NFYC: variants seen among roughly 807,000 people sequenced by gnomAD.
The protein encoded by NFYC is CAAT box DNA-binding protein subunit C.
Under a neutral mutation model 53.1 loss-of-function variants are expected in NFYC, and 25 were observed. The ratio of observed to expected loss-of-function variants is 0.47; its 90% confidence interval spans 0.34 to 0.66. The LOEUF is 0.66. NFYC is among the 30% of genes least tolerant of loss of function. NFYC has a pLI of 0.01. For missense variants in NFYC, 260 were observed against 422.7 expected, an observed-to-expected ratio of 0.62 and a Z score of 3.38; for synonymous variants, 145 against 152.6, an observed-to-expected ratio of 0.95 and a Z score of 0.37.
chr1:40,752,749 A>G (rs1423199826), intron 4 of NFYC, among the ~76,000 whole-genome samples: 2 of 152,112 alleles, frequency 1.3e-5, no homozygotes, highest in African/African-American at 4.8e-5. Context: ...ACCTAATTCA[A>G]TACTTGTGAA....
At chr1:40,740,751 G>T (rs1027475433) in intron 2 of NFYC, among the ~76,000 whole-genome samples, 1 of 152,182 alleles carries the variant, frequency 6.6e-6, no homozygotes, top group African/African-American at 2.4e-5. Context: ...TGGTGCTGGG[G>T]TCAGCTTGGT....
intron 1 of NFYC, chr1:40,735,815 C>T (rs1644996881): frequency 2.1e-6 from 2 of 949,904 alleles, no homozygotes; most frequent in Admixed American, 1.2e-4. Flanking sequence ...TTGTTTGCCC[C>T]ATTTAAAAAA....
chr1:40,737,901 CT>C (rs530348029), intron 1 of NFYC, among the ~76,000 whole-genome samples: 5,981 of 122,956 alleles, frequency 0.049, 197 homozygotes, highest in African/African-American at 0.1. Context: ...TGCTCTCTCT[CT>C]TTTTTTTTTT....
At chr1:40,737,441 G>C (rs997770803) in intron 1 of NFYC, among the ~76,000 whole-genome samples, 1 of 151,070 alleles carries the variant, frequency 6.6e-6, no homozygotes, top group Admixed American at 6.6e-5. Flanking sequence ...CGATTCTCCT[G>C]CCTCAGCCTC....
intron 7 of NFYC, among the ~76,000 whole-genome samples, chr1:40,764,290 A>G (rs1397943628): frequency 6.6e-6 from 1 of 152,228 alleles, no homozygotes; most frequent in African/African-American, 2.4e-5. Context: ...AAATAACTCT[A>G]AAAGTATCCT....
chr1:40,712,144 G>A (rs1643947586), intron 1 of NFYC, among the ~76,000 whole-genome samples: 2 of 151,922 alleles, frequency 1.3e-5, no homozygotes, highest in Admixed American at 6.5e-5. Flanking sequence ...TGGCATCAAA[G>A]AAAAAAATGC....
chr1:40,696,168 C>T (rs961706600), intron 1 of NFYC, among the ~76,000 whole-genome samples: 14 of 151,890 alleles, frequency 9.2e-5, no homozygotes, highest in Admixed American at 5.3e-4. Flanking sequence ...GGATTATAGA[C>T]GCCCGCCACC....
At chr1:40,756,732 T>C (rs766666771) in intron 5 of NFYC, among the ~76,000 whole-genome samples, 5 of 152,178 alleles carry the variant, frequency 3.3e-5, no homozygotes, top group Non-Finnish European at 5.9e-5. Flanking sequence ...TATCAGCAAG[T>C]TGGATTCAGA....
intron 1 of NFYC, chr1:40,695,647 C>G (rs1387126489): frequency 6.6e-6 from 1 of 152,206 alleles, no homozygotes; most frequent in Non-Finnish European, 1.5e-5. Context: ...TCTTCAACTC[C>G]TGACCTCAGG....
intron 8 of NFYC, 66 bp downstream of exon 8, chr1:40,766,769 G>T (rs908496382): frequency 2.6e-6 from 4 of 1,537,004 alleles, no homozygotes; most frequent in Non-Finnish European, 3.6e-6. Context: ...GACAGGAAAG[G>T]AGCGCTCAGC....
chr1:40,766,891 G>A (rs926238942), intron 8 of NFYC, 188 bp downstream of exon 8: 2 of 1,551,706 alleles, frequency 1.3e-6, no homozygotes, highest in Non-Finnish European at 1.7e-6. Context: ...GATTCAAAGT[G>A]TTTTCTCTTA....
intron 1 of NFYC, among the ~76,000 whole-genome samples, chr1:40,715,577 A>G (rs1644104551): frequency 6.6e-6 from 1 of 151,918 alleles, no homozygotes; most frequent in Admixed American, 6.6e-5. Flanking sequence ...CTACCTCCAT[A>G]TGGGGGCCCA....
At chr1:40,749,551 G>C in intron 3 of NFYC, 22 bp from the exon 4 acceptor site, 1 of 1,587,314 alleles carries the variant, frequency 6.3e-7, no homozygotes, top group Non-Finnish European at 8.7e-7. Context: ...TGATTGACAG[G>C]GAGGGCCTGT....
chr1:40,749,333 T>C (rs950108414), intron 3 of NFYC, among the ~76,000 whole-genome samples: 1 of 152,180 alleles, frequency 6.6e-6, no homozygotes, highest in Admixed American at 6.5e-5. Context: ...AAGGCTATTA[T>C]AAGAGTAAGA....
At chr1:40,727,212 T>TTGGTTGG (rs1553153803) in intron 1 of NFYC, among the ~76,000 whole-genome samples, 2 of 152,010 alleles carry the variant, frequency 1.3e-5, no homozygotes, top group South Asian at 2.1e-4. Flanking sequence ...TGTTTGTTTG[T>TTGGTTGG]TTGGTTGGTT....
At chr1:40,735,149 A>C (rs1354611924) in intron 1 of NFYC, 2 of 147,058 alleles carry the variant, frequency 1.4e-5, no homozygotes, top group South Asian at 2.1e-4. Flanking sequence ...CGAGCGTCTT[A>C]TGAAGGGGTG....
At chr1:40,701,863 T>C (rs1643451611) in intron 1 of NFYC, among the ~76,000 whole-genome samples, 1 of 152,330 alleles carries the variant, frequency 6.6e-6, no homozygotes, top group East Asian at 1.9e-4. Flanking sequence ...CTGGCCTCGA[T>C]GGAGTTGAAT....
chr1:40,738,155 G>T (rs1214471332), intron 1 of NFYC, among the ~76,000 whole-genome samples: 1 of 152,056 alleles, frequency 6.6e-6, no homozygotes, highest in East Asian at 1.9e-4. Flanking sequence ...GCCCGCCTCG[G>T]CCTCCCAAAG....
chr1:40,762,482 C>A (rs911231731), intron 6 of NFYC, among the ~76,000 whole-genome samples: 16 of 152,214 alleles, frequency 1.1e-4, no homozygotes, highest in African/African-American at 3.9e-4. Flanking sequence ...CTGACCCTTT[C>A]CATTTAATGT....
Sources: gnomAD v4.1 joint callset for allele counts (sites outside exome capture counted in the v4.1 genomes callset) on GRCh38, gnomAD v4.1.1 for gene constraint, MANE v1.5 for transcripts, NCBI Gene and HGNC (gene_info 2026-07-23, HGNC 2026-07-21) for gene names.